The following PDE6B variants were observed in gnomAD, a reference collection of about 807,000 sequenced individuals.
PDE6B encodes phosphodiesterase 6B.
PDE6B carries 106 observed loss-of-function variants against 109.0 expected under a neutral mutation model. The ratio of observed to expected loss-of-function variants is 0.97; its 90% CI spans 0.83 to 1.14. The LOEUF (loss-of-function observed/expected upper bound fraction) is 1.14. Ranked by LOEUF, PDE6B falls within the 50% of genes most tolerant of loss-of-function variation. PDE6B has a pLI of 0.00. For missense variants in PDE6B, 1,193 were observed against 1,155.6 expected, an observed-to-expected ratio of 1.03 and a Z score of -0.47; for synonymous variants, 490 against 471.3, an observed-to-expected ratio of 1.04 and a Z score of -0.51.
intron 3 of PDE6B, chr4:653,239 T>A (rs941783789): frequency 6.3e-5 from 63 of 1,007,736 alleles, no homozygotes; most frequent in Non-Finnish European, 7.2e-5. Flanking sequence ...GCCGCGAGTG[T>A]GAGGAGGCAG....
chr4:668,136 G>A (rs1211377317), intron 21 of PDE6B, 130 bp downstream of exon 21: 3 of 907,396 alleles, frequency 3.3e-6, no homozygotes, highest in Non-Finnish European at 5.0e-6. Context: ...GAGGTGGACA[G>A]GGCCACAGTG....
Position 662,513 on chromosome 4 carries a change from GC to G in PDE6B, c.1728del (p.Lys577AsnfsTer2). Reference sequence around the variant, plus strand: ...AAGGTGGCCCTGTCTCTACAGACCGGCAAACTGAAGAGCTACTACACGGACC... The same window carrying G: ...AAGGTGGCCCTGTCTCTACAGACCGGAAACTGAAGAGCTACTACACGGACC... ...AQTMFTLLMT[G>X]KLKSYYTDLE... On this transcript the variant is annotated frameshift_variant, in exon 14 of 22. Coordinates refer to ENST00000496514, the MANE Select transcript of PDE6B (RefSeq NM_000283.4). LOFTEE classifies it high-confidence loss of function. The surrounding 1 kb of genome is among the most constrained non-coding windows in gnomAD (Gnocchi z 4.3). 1 of 1,608,268 alleles carries G rather than the reference GC, an allele frequency of 6.2e-7. No individual in the cohort carries two copies. The highest frequency in any genetic ancestry group is 8.5e-7 in the Non-Finnish European group (1 of 1,175,504).
rs889336315 is a variant in PDE6B at position 628,021 on chromosome 4, C to T, written c.468+1927C>T. ...CCGCACCTGCCCCAGGACTGACCTC[C>T]GAGGCCTCTCCCCTGCCCAGTGTAG... On this transcript the variant is annotated intron_variant, in intron 1 of 21. Coordinates refer to ENST00000496514, the MANE Select transcript of PDE6B (RefSeq NM_000283.4). Among the ~76,000 whole-genome samples, 59 of 152,250 alleles carry T rather than the reference C, an allele frequency of 3.9e-4. 2 individuals carry two copies. Among genetic ancestry groups the T allele is most frequent in the Admixed American group, 3.7e-3 (56 of 15,304 alleles).
rs775122966 is a variant in PDE6B at position 664,081 on chromosome 4, C to T, written c.2022-33C>T. ...TTGGGGCGGGGTCTCCACACTTGCT[C>T]CCACCTGCACCTCCCTTGTTCCCTG... On this transcript the variant is annotated intron_variant, in intron 16 of 21. Transcript: ENST00000496514. 5.5e-6 allele frequency: 8 copies of T among 1,449,490 alleles called. No homozygotes were observed. In the South Asian group the frequency reaches 6.8e-5, roughly 12 times the overall value. The allele number at this position is 1,449,490 out of a possible 1,614,324, so 89.8% of individuals were successfully genotyped here. A position where few individuals can be genotyped will look rare whatever the true frequency, so the allele number is the denominator to read the frequency against.
chr4:645,716 C>G (rs1047782192), intron 3 of PDE6B, among the ~76,000 whole-genome samples: 5 of 151,712 alleles, frequency 3.3e-5, no homozygotes, highest in Non-Finnish European at 7.4e-5. Context: ...TTTCTGCCTT[C>G]TCTGGTTTTA....
At position 664,917 on chromosome 4, in the gene PDE6B, C is replaced by A. The variant is rs778485085; in HGVS notation, c.2166C>A (p.Ile722=). 2 of 1,613,306 alleles carry A rather than the reference C, an allele frequency of 1.2e-6. No individual in the cohort carries two copies. The highest frequency in any genetic ancestry group is 1.7e-6 in the Non-Finnish European group (2 of 1,179,906). Reference sequence around the variant, plus strand: ...TGACAGCCTGCGACCTGTCTGCCATCACCAAGCCCTGGGAAGTCCAGAGCA... The same window carrying A: ...TGACAGCCTGCGACCTGTCTGCCATAACCAAGCCCTGGGAAGTCCAGAGCA... ...MMMTACDLSA[I]TKPWEVQSKV... The change falls in exon 18 of 22, where the codon ATC becomes ATA. Residue 722 remains isoleucine (I), a synonymous_variant. Coordinates refer to ENST00000496514, the MANE Select transcript of PDE6B (RefSeq NM_000283.4).
intron 3 of PDE6B, among the ~76,000 whole-genome samples, chr4:649,651 G>A (rs1370743925): frequency 6.7e-6 from 1 of 149,170 alleles, no homozygotes; most frequent in African/African-American, 2.6e-5. Flanking sequence ...ACAGAGGCCT[G>A]GGAAGACTGT....
At position 655,107 on chromosome 4, in the gene PDE6B, G is replaced by A. The variant is rs138310603; in HGVS notation, c.992+219G>A. The A allele has an allele frequency of 2.3e-3, 1,395 of 594,686 alleles. 4 individuals carry two copies. Among genetic ancestry groups the A allele is most frequent in the Middle Eastern group, 0.012 (26 of 2,190 alleles). 36.8% of individuals were successfully genotyped at this position (594,686 alleles called of 1,614,324 possible). A position where few individuals can be genotyped will look rare whatever the true frequency, so the allele number is the denominator to read the frequency against. On this transcript the variant is annotated intron_variant, in intron 6 of 21. Coordinates refer to ENST00000496514, the MANE Select transcript of PDE6B (RefSeq NM_000283.4). Reference sequence around the variant, plus strand: ...TGTTCTGGGAGATGGTGAGGAGGACGTGGGCTGCTGAGGAGCCCGAGTCAC... The same window carrying A: ...TGTTCTGGGAGATGGTGAGGAGGACATGGGCTGCTGAGGAGCCCGAGTCAC...
Position 664,200 on chromosome 4 carries a change from C to A in PDE6B, c.2108C>A (p.Thr703Lys). ...KSWVEYLSLE[T>K]TRKEIVMAMM... ...TGGGTGGAGTACCTGTCCCTGGAGA[C>A]GACCCGGAAGGAGATCGTCATGTGA... The change falls in exon 17 of 22, where the codon ACG becomes AAG. Residue 703 changes from threonine to lysine, a missense_variant. Physicochemically the swap from Thr to Lys is moderately conservative, Grantham distance 78 (BLOSUM62 -1). Coordinates refer to ENST00000496514, the MANE Select transcript of PDE6B (RefSeq NM_000283.4). The A allele has an allele frequency of 6.2e-7, 1 of 1,604,732 alleles. No individual in the cohort carries two copies. Among genetic ancestry groups the A allele is most frequent in the Non-Finnish European group, 8.5e-7 (1 of 1,171,892 alleles).
At chr4:659,074 G>T in intron 11 of PDE6B, 57 bp downstream of exon 11, 1 of 1,287,568 alleles carries the variant, frequency 7.8e-7, no homozygotes. Context: ...AGGCTGGGAG[G>T]AAGAGTTCTG....
chr4:658,619 CTCTG>C (rs1462655740), intron 10 of PDE6B, among the ~76,000 whole-genome samples: 1 of 152,110 alleles, frequency 6.6e-6, no homozygotes, highest in Non-Finnish European at 1.5e-5. Context: ...CCCGAGGTCC[CTCTG>C]TCTGCACGGC....
At chr4:658,796 ATT>A (rs979341604) in intron 10 of PDE6B, among the ~76,000 whole-genome samples, 154 bp from the exon 11 acceptor site, 1 of 152,174 alleles carries the variant, frequency 6.6e-6, no homozygotes, top group Admixed American at 6.5e-5. Context: ...GCACACGGTC[ATT>A]TGTCTCCAGA....
Position 656,351 on chromosome 4 carries a change from C to G in PDE6B, c.1107+59C>G, listed in dbSNP as rs558283512. 1.0e-4 allele frequency: 116 copies of G among 1,125,616 alleles called. No homozygotes were observed. In the East Asian group the frequency reaches 2.5e-3, roughly 24 times the overall value. 69.7% of individuals were successfully genotyped at this position (1,125,616 alleles called of 1,614,324 possible). A position where few individuals can be genotyped will look rare whatever the true frequency, so the allele number is the denominator to read the frequency against. On this transcript the variant is annotated intron_variant, in intron 8 of 21. Transcript: ENST00000496514. ...ACTTACAAAAGAGGAGATTTTGATT[C>G]AGCGATGATGAAGTGAATTCGTTTT... is the stretch of plus-strand genomic sequence containing the variant.
At chr4:659,213 C>T (rs1367541276) in intron 11 of PDE6B, among the ~76,000 whole-genome samples, 196 bp downstream of exon 11, 2 of 152,120 alleles carry the variant, frequency 1.3e-5, no homozygotes, top group Admixed American at 6.5e-5. Context: ...CAGTCTCAGC[C>T]AGTGTGTCCC....
rs768362910 is a variant in PDE6B at position 625,623 on chromosome 4, C to T, written c.-4C>T. On this transcript the variant is annotated 5_prime_UTR_variant, in exon 1 of 22. Transcript: ENST00000496514. The surrounding 1 kb of genome is among the most constrained non-coding windows in gnomAD (Gnocchi z 5.0). ...AGCAGCGTCTCCAGGGACAGGCAGC[C>T]ACCATGAGCCTCAGTGAGGAGCAGG... 6.2e-7 allele frequency: 1 copy of T among 1,603,552 alleles called. No homozygotes were observed. The highest frequency in any genetic ancestry group is 1.3e-5 in the African/African-American group (1 of 74,694).
chr4:650,155 C>T (rs568781116), intron 3 of PDE6B, among the ~76,000 whole-genome samples: 5 of 152,316 alleles, frequency 3.3e-5, no homozygotes, highest in South Asian at 4.1e-4. Flanking sequence ...GAGGGGCCCC[C>T]GCTCCCTGAG....
At chr4:651,294 G>A (rs928650954) in intron 3 of PDE6B, among the ~76,000 whole-genome samples, 3 of 152,012 alleles carry the variant, frequency 2.0e-5, no homozygotes, top group Admixed American at 6.5e-5. Flanking sequence ...CGTCACAGGC[G>A]GGGCAGGGGC....
intron 3 of PDE6B, among the ~76,000 whole-genome samples, chr4:643,660 T>A (rs1735047761): frequency 6.6e-6 from 1 of 152,074 alleles, no homozygotes; most frequent in South Asian, 2.1e-4. Context: ...TTTCTAGTGA[T>A]CAGTCTATTT....
At chr4:658,773 G>T (rs949419690) in intron 10 of PDE6B, among the ~76,000 whole-genome samples, 179 bp from the exon 11 acceptor site, 4 of 152,192 alleles carry the variant, frequency 2.6e-5, no homozygotes, top group Non-Finnish European at 5.9e-5. Flanking sequence ...AGGTGGGAAA[G>T]TCAGCAGGCC....
Sources: gnomAD v4.1 joint callset for allele counts (sites outside exome capture counted in the v4.1 genomes callset) on GRCh38, gnomAD v4.1.1 for gene constraint, Gnocchi (gnomAD v3.1) non-coding constraint, MANE v1.5 for transcripts, NCBI Gene and HGNC (gene_info 2026-07-23, HGNC 2026-07-21) for gene names.